Variants in ZIM3 observed in about 807,000 individuals in gnomAD.
The protein encoded by ZIM3 is zinc finger protein 657.
ZIM3 carries 11 observed loss-of-function variants against 12.9 expected under a neutral mutation model. The observed-to-expected ratio is 0.85, with a 90% CI of 0.54 to 1.41. ZIM3 has a LOEUF of 1.41. Among genes scored for constraint, ZIM3 ranks in the 40% most tolerant of loss-of-function variants. ZIM3 has a pLI of 0.00. For missense variants in ZIM3, 604 were observed against 557.2 expected (o/e 1.08, Z -0.85); for synonymous variants, 205 against 198.5 (o/e 1.03, Z -0.28).
chr19:57,138,689 A>T lies in ZIM3; in HGVS notation c.16-91T>A. On this transcript the variant is annotated intron_variant, in intron 2 of 4. Transcript: ENST00000269834. ...CTTGTTTCTGCTGAACCAAGCTTTA[A>T]TCATGTCCATAATTCACTCTACTCT... 2.7e-6 allele frequency: 4 copies of T among 1,483,938 alleles called. No individual in the cohort carries two copies. The South Asian group carries it at 5.0e-5, about 19-fold the overall frequency. 91.9% of individuals were successfully genotyped at this position (1,483,938 alleles called of 1,614,324 possible).
chr19:57,136,909 A>T lies in ZIM3; in HGVS notation c.205T>A (p.Leu69Met), dbSNP rs4801200. Residue 69 changes from leucine to methionine, a missense_variant, in exon 4 of 5, where the codon TTG becomes ATG. Coordinates refer to ENST00000269834, the MANE Select transcript of ZIM3 (RefSeq NM_052882.1). ...CTTCCCAGCACTTCCTCTTCCTCCA[A>T]CCATGGCTCCTTTCCTTGTTCCAAC... The part of the protein sequence containing the change: ...LRLEQGKEPW[L>M]EEEEVLGSGR... 828,810 of 1,613,554 alleles carry T rather than the reference A, an allele frequency of 0.51. 216,882 individuals are homozygous for T. Among genetic ancestry groups the T allele is most frequent in the South Asian group, 0.56 (51,450 of 91,062 alleles).
rs1448891412 is a variant in ZIM3 at position 57,135,413 on chromosome 19, T to G, written c.924A>C (p.Gln308His). 2 of 1,614,054 alleles carry G rather than the reference T, an allele frequency of 1.2e-6. No homozygotes were observed. The highest frequency in any genetic ancestry group is 1.7e-6 in the Non-Finnish European group (2 of 1,180,046). The change falls in exon 5 of 5, where the codon CAA becomes CAC. Residue 308 changes from glutamine to histidine, a missense_variant. Physicochemically the swap from Gln to His is conservative, Grantham distance 24. Transcript: ENST00000269834. ...KKVHTGQKPF[Q>H]CTDCGKAFIY... Reference sequence around the variant, plus strand: ...TGAAAGCCTTTCCACAGTCCGTACATTGAAAGGGTTTTTGTCCAGTGTGAA... The same window carrying G: ...TGAAAGCCTTTCCACAGTCCGTACAGTGAAAGGGTTTTTGTCCAGTGTGAA...
rs148989206 is a variant in ZIM3, at chr19:57,135,468, T to G, written c.869A>C (p.Gln290Pro). 2.5e-6 allele frequency: 4 copies of G among 1,614,094 alleles called. No individual in the cohort carries two copies. The highest frequency in any genetic ancestry group is 3.4e-6 in the Non-Finnish European group (4 of 1,180,056). The change falls in exon 5 of 5, where the codon CAG becomes CCG. Residue 290 changes from glutamine (Q) to proline (P), a missense_variant. By Grantham distance (76) the Gln-to-Pro change is moderately conservative. Coordinates refer to ENST00000269834, the MANE Select transcript of ZIM3 (RefSeq NM_052882.1). Reference protein sequence around the residue: ...QCNECEKSFRQNSTLIQHKKV... With the variant: ...QCNECEKSFRPNSTLIQHKKV... The stretch of plus-strand genomic sequence containing the variant: ...TTTATGTTGAATGAGGGTTGAGTTC[T>G]GCCTGAAGGATTTCTCACATTCATT...
chr19:57,141,273 C>T (rs895936775), intron 2 of ZIM3, among the ~76,000 whole-genome samples: 8 of 151,926 alleles, frequency 5.3e-5, no homozygotes, highest in East Asian at 1.9e-4. Flanking sequence ...TGGTGGCGTG[C>T]GCCTGTAATC....
chr19:57,135,967 T>C lies in ZIM3; in HGVS notation c.370A>G (p.Lys124Glu). 6 of 1,614,204 alleles carry C rather than the reference T, an allele frequency of 3.7e-6. No individual in the cohort carries two copies. Among genetic ancestry groups the C allele is most frequent in the Non-Finnish European group, 5.1e-6 (6 of 1,180,042 alleles). Residue 124 changes from lysine to glutamate, a missense_variant, in exon 5 of 5, where the codon AAG becomes GAG. Physicochemically the swap from Lys to Glu is moderately conservative, Grantham distance 56. Transcript: ENST00000269834. ...TQKGVECDGS[K>E]KILPLGIDDV... The stretch of plus-strand genomic sequence containing the variant: ...TCTATGCCCAGTGGAAGTATTTTCT[T>C]AGATCCGTCACATTCTACACCTTTC...
Position 57,138,096 on chromosome 19 carries a change from G to A in ZIM3, c.142+376C>T, listed in dbSNP as rs1038021778. ...GAAGGAAAGAAGGGAGGTAGGAAGGGAGGAAGGGAAGGAGGCAGGGAGGGA... is the reference window on the plus strand; with the variant it reads ...GAAGGAAAGAAGGGAGGTAGGAAGGAAGGAAGGGAAGGAGGCAGGGAGGGA... On this transcript the variant is annotated intron_variant, in intron 3 of 4. Coordinates refer to ENST00000269834, the MANE Select transcript of ZIM3 (RefSeq NM_052882.1). Among the ~76,000 whole-genome samples, 9 of 100,626 alleles carry A rather than the reference G, an allele frequency of 8.9e-5. 1 individual carries two copies. The highest frequency in any genetic ancestry group is 9.0e-4 in the South Asian group (2 of 2,228). 66.0% of individuals were successfully genotyped at this position (100,626 alleles called of 152,430 possible).
chr19:57,142,760 C>T, intron 1 of ZIM3, 75 bp from the exon 2 acceptor site: 1 of 1,170,124 alleles, frequency 8.5e-7, no homozygotes, highest in Non-Finnish European at 1.2e-6. Context: ...GCATAGAATG[C>T]TCCACACCCT....
chr19:57,140,013 A>G (rs1195622963), intron 2 of ZIM3, among the ~76,000 whole-genome samples: 1 of 152,064 alleles, frequency 6.6e-6, no homozygotes, highest in East Asian at 1.9e-4. Context: ...CCTGCCACTC[A>G]ACACTCACAG....
Position 57,134,725 on chromosome 19 carries a change from C to A in ZIM3, c.*193G>T. ...AGAGTTCCTGGTACACAAAAGGCATCTAATAAATATTTATACTTAATAAAC... is the reference window on the plus strand; with the variant it reads ...AGAGTTCCTGGTACACAAAAGGCATATAATAAATATTTATACTTAATAAAC... On this transcript the variant is annotated 3_prime_UTR_variant, in exon 5 of 5. Transcript: ENST00000269834. 3.5e-6 allele frequency: 2 copies of A among 569,384 alleles called. No homozygotes were observed. Among genetic ancestry groups the A allele is most frequent in the Non-Finnish European group, 6.1e-6 (2 of 329,652 alleles). 35.3% of individuals were successfully genotyped at this position (569,384 alleles called of 1,614,324 possible). A position where few individuals can be genotyped will look rare whatever the true frequency, so the allele number is the denominator to read the frequency against.
chr19:57,141,181 G>T (rs2086911783), intron 2 of ZIM3, among the ~76,000 whole-genome samples: 1 of 151,950 alleles, frequency 6.6e-6, no homozygotes, highest in Non-Finnish European at 1.5e-5. Flanking sequence ...GATCACCTGA[G>T]GTCAGGAGTT....
chr19:57,137,882 GGAAGGAAA>G (rs1234814735), intron 3 of ZIM3, among the ~76,000 whole-genome samples: 4 of 30,090 alleles, frequency 1.3e-4, no homozygotes, highest in Non-Finnish European at 1.9e-4. Context: ...AAGGAAGGAA[GGAAGGAAA>G]GAAGGAAGGA....
At chr19:57,137,922 AGAAGGAAGGAAGGAAG>A (rs1285328183) in intron 3 of ZIM3, among the ~76,000 whole-genome samples, 7 of 20,732 alleles carry the variant, frequency 3.4e-4, no homozygotes, top group African/African-American at 1.7e-3. Flanking sequence ...AAGGAAGGAA[AGAAGGAAGGAAGGAAG>A]GAAGGAAGGA....
At chr19:57,141,332 T>G (rs1005163702) in intron 2 of ZIM3, among the ~76,000 whole-genome samples, 4 of 131,870 alleles carry the variant, frequency 3.0e-5, no homozygotes, top group Admixed American at 8.6e-5. Flanking sequence ...ACCTGGGAGG[T>G]GGAGGTTGCA....
intron 2 of ZIM3, among the ~76,000 whole-genome samples, chr19:57,139,152 C>T (rs1051117975): frequency 6.6e-6 from 1 of 151,866 alleles, no homozygotes; most frequent in Non-Finnish European, 1.5e-5. Flanking sequence ...CATGAAGAAA[C>T]CCCATCTCTA....
intron 1 of ZIM3, among the ~76,000 whole-genome samples, chr19:57,143,382 C>T (rs1461398285): frequency 6.6e-6 from 1 of 151,622 alleles, no homozygotes; most frequent in African/African-American, 2.4e-5. Context: ...TTCAACAGCA[C>T]CTTTAAAACA....
Position 57,136,931 on chromosome 19 carries a change from C to T in ZIM3, c.183G>A (p.Leu61=), listed in dbSNP as rs2086889705. ...ETTKPDVILR[L]EQGKEPWLEE... is the part of the protein sequence containing the mutation. ...CCAACCATGGCTCCTTTCCTTGTTCCAACCTCAAGATCACATCGGGTTTGG... is the reference window on the plus strand; with the variant it reads ...CCAACCATGGCTCCTTTCCTTGTTCTAACCTCAAGATCACATCGGGTTTGG... Residue 61 remains leucine (L), a synonymous_variant, in exon 4 of 5, where the codon TTG becomes TTA. Transcript: ENST00000269834. 1 of 1,614,044 alleles carries T rather than the reference C, an allele frequency of 6.2e-7. No individual in the cohort carries two copies. Among genetic ancestry groups the T allele is most frequent in the South Asian group, 1.1e-5 (1 of 91,086 alleles).
Position 57,135,827 on chromosome 19 carries a change from A to G in ZIM3, c.510T>C (p.Asn170=). Residue 170 remains asparagine, a synonymous_variant, in exon 5 of 5, where the codon AAT becomes AAC. Transcript: ENST00000269834. The part of the protein sequence containing the change: ...SKFVGQQLKC[N]ACRKLFSSKS... ...TTGAACTGAATAACTTTCTACAGGCATTACATTTCAGTTGTTGTCCTACAA... is the reference window on the plus strand; with the variant it reads ...TTGAACTGAATAACTTTCTACAGGCGTTACATTTCAGTTGTTGTCCTACAA... 6.2e-7 allele frequency: 1 copy of G among 1,614,172 alleles called. No individual in the cohort carries two copies. The highest frequency in any genetic ancestry group is 8.5e-7 in the Non-Finnish European group (1 of 1,180,026).
chr19:57,137,053 T>G, intron 3 of ZIM3, 82 bp from the exon 4 acceptor site: 39 of 1,231,018 alleles, frequency 3.2e-5, no homozygotes, highest in Middle Eastern at 1.9e-4. Context: ...TATAAGCGCT[T>G]GCGTATGCTT....
intron 2 of ZIM3, among the ~76,000 whole-genome samples, chr19:57,140,210 C>G (rs751901313): frequency 3.9e-5 from 6 of 152,044 alleles, no homozygotes; most frequent in Non-Finnish European, 8.8e-5. Flanking sequence ...GAGGCTCACT[C>G]TGGTAGCCCA....
Sources: allele counts gnomAD v4.1 joint callset (sites outside exome capture counted in the v4.1 genomes callset), GRCh38; gene constraint gnomAD v4.1.1; transcripts MANE v1.5; gene names NCBI Gene and HGNC (gene_info 2026-07-23, HGNC 2026-07-21).